The following CNGA3 variants were observed in gnomAD, a reference collection of about 807,000 sequenced individuals.
CNGA3 encodes the protein cyclic nucleotide gated channel subunit alpha 3.
Under a neutral mutation model 46.6 loss-of-function variants are expected in CNGA3, and 42 were observed. The observed-to-expected ratio is 0.90, with a 90% CI of 0.70 to 1.17. CNGA3 has a LOEUF of 1.17. Ranked by LOEUF, CNGA3 falls within the 50% of genes most tolerant of loss-of-function variation. The pLI, the probability that CNGA3 is intolerant of heterozygous loss-of-function variation, is 0.00. For synonymous variants in CNGA3, 394 were observed against 369.4 expected (o/e 1.07, Z -0.76); for missense variants, 893 against 890.7 (o/e 1.00, Z -0.03).
intron 7 of CNGA3, among the ~76,000 whole-genome samples, chr2:98,394,873 T>A (rs897737937): frequency 6.6e-6 from 1 of 152,216 alleles, no homozygotes. Context: ...AAAATGTAGT[T>A]TGCATAATTT....
chr2:98,363,001 A>T (rs1318648974), intron 1 of CNGA3, among the ~76,000 whole-genome samples: 3 of 152,172 alleles, frequency 2.0e-5, no homozygotes, highest in Admixed American at 2.0e-4. Context: ...AGTCTGTTCC[A>T]TTGGTCTATA....
chr2:98,394,683 G>T (rs536695767), intron 7 of CNGA3, among the ~76,000 whole-genome samples: 2 of 152,030 alleles, frequency 1.3e-5, no homozygotes, highest in Non-Finnish European at 1.5e-5. Context: ...TTTCTTGGCT[G>T]GCATAAGCAA....
chr2:98,347,205 A>C (rs1264552026), intron 1 of CNGA3: 1 of 152,160 alleles, frequency 6.6e-6, no homozygotes, highest in African/African-American at 2.4e-5. Flanking sequence ...GCGAGAATTA[A>C]AATTCTTTTA....
At chr2:98,379,538 G>A (rs953919241) in intron 3 of CNGA3, among the ~76,000 whole-genome samples, 8 of 152,186 alleles carry the variant, frequency 5.3e-5, no homozygotes, top group East Asian at 1.9e-4. Flanking sequence ...TGGAGCTCAC[G>A]GCAAGCTCCA....
chr2:98,352,718 G>T (rs563092059), intron 1 of CNGA3, among the ~76,000 whole-genome samples: 1 of 152,098 alleles, frequency 6.6e-6, no homozygotes, highest in Non-Finnish European at 1.5e-5. Context: ...TTGCGAGCCC[G>T]GGTAGGATAA....
chr2:98,349,099 C>T (rs1691713815), intron 1 of CNGA3, among the ~76,000 whole-genome samples: 1 of 152,144 alleles, frequency 6.6e-6, no homozygotes. Flanking sequence ...GGTGGCTTCT[C>T]CCTTTGCTTA....
At chr2:98,361,478 C>T (rs903758435) in intron 1 of CNGA3, among the ~76,000 whole-genome samples, 1 of 151,948 alleles carries the variant, frequency 6.6e-6, no homozygotes, top group Admixed American at 6.6e-5. Context: ...GTGAATAGTG[C>T]CACAATGAAC....
rs199631623 is a variant in CNGA3, at chr2:98,389,679, T to G, written c.471T>G (p.Asp157Glu). Residue 157 changes from aspartate (D) to glutamate (E), a missense_variant, in exon 6 of 8, where the codon GAT (aspartate) becomes GAG (glutamate). Physicochemically the swap from Asp to Glu is conservative, Grantham distance 45. Transcript: ENST00000272602. ...TEEEKKTKKK[D>E]AIVVDPSSNL... is the part of the protein sequence containing the mutation. ...CCAGGAAGAAGACGAAAAAGAAGGA[T>G]GCGATCGTGGTGGACCCGTCCAGCA... The G allele has an allele frequency of 1.9e-5, 31 of 1,613,936 alleles. No individual in the cohort carries two copies. In the East Asian group the frequency reaches 6.9e-4, roughly 36 times the overall value.
chr2:98,392,012 C>A (rs556360697), intron 7 of CNGA3, 42 bp downstream of exon 7: 2 of 1,551,362 alleles, frequency 1.3e-6, no homozygotes, highest in Admixed American at 1.7e-5. Context: ...ATGGCCCCCA[C>A]GGGAGTGTTC....
Position 98,396,331 on chromosome 2 carries a change from G to T in CNGA3, c.1161G>T (p.Val387=). Residue 387 remains valine (V), a synonymous_variant, in exon 8 of 8, where the codon GTG becomes GTT. Transcript: ENST00000272602. The part of the protein sequence containing the change: ...EYLFVVVDFL[V]GVLIFATIVG... ...TCTTTGTGGTCGTAGACTTCTTGGTGGGTGTTCTGATTTTTGCCACCATTG... is the reference window on the plus strand; with the variant it reads ...TCTTTGTGGTCGTAGACTTCTTGGTTGGTGTTCTGATTTTTGCCACCATTG... 1 of 1,611,948 alleles carries T rather than the reference G, an allele frequency of 6.2e-7. No homozygotes were observed. Among genetic ancestry groups the T allele is most frequent in the Non-Finnish European group, 8.5e-7 (1 of 1,178,338 alleles).
intron 2 of CNGA3, among the ~76,000 whole-genome samples, chr2:98,371,795 TG>T (rs1163198874): frequency 2.6e-5 from 4 of 152,230 alleles, no homozygotes; most frequent in Non-Finnish European, 4.4e-5. Context: ...ATTTCCCATG[TG>T]TGAGCTAATA....
intron 4 of CNGA3, among the ~76,000 whole-genome samples, chr2:98,383,074 G>C (rs987191356): frequency 3.3e-5 from 5 of 152,286 alleles, no homozygotes; most frequent in African/African-American, 1.2e-4. Context: ...GCCCCATCCA[G>C]GGTGGAATGG....
intron 1 of CNGA3, among the ~76,000 whole-genome samples, chr2:98,366,298 C>T (rs10173026): frequency 0.44 from 66,657 of 152,020 alleles, 14,715 homozygotes; most frequent in Admixed American, 0.5. Context: ...CTCAAAGGGG[C>T]GCTGACCTGA....
At chr2:98,359,322 A>G (rs1468758607) in intron 1 of CNGA3, among the ~76,000 whole-genome samples, 1 of 152,214 alleles carries the variant, frequency 6.6e-6, no homozygotes, top group African/African-American at 2.4e-5. Context: ...GGGGGAAGTA[A>G]GGAAGCCCCC....
intron 1 of CNGA3, among the ~76,000 whole-genome samples, chr2:98,348,379 T>C (rs2106064939): frequency 6.6e-6 from 1 of 152,346 alleles, no homozygotes; most frequent in South Asian, 2.1e-4. Flanking sequence ...CATCTGCTAG[T>C]GGTGGCTGCC....
chr2:98,396,424 T>C lies in CNGA3; in HGVS notation c.1254T>C (p.Asp418=), dbSNP rs1162745859. 6.2e-7 allele frequency: 1 copy of C among 1,613,884 alleles called. No homozygotes were observed. The highest frequency in any genetic ancestry group is 8.5e-7 in the Non-Finnish European group (1 of 1,180,012). The change falls in exon 8 of 8, where the codon GAT becomes GAC. Residue 418 remains aspartate (D), a synonymous_variant. Coordinates refer to ENST00000272602, the MANE Select transcript of CNGA3 (RefSeq NM_001298.3). ...GGGCAGAGTTCCAGGCCAAGATTGA[T>C]TCCATCAAGCAGTACATGCAGTTCC... ...ASRAEFQAKI[D]SIKQYMQFRK...
At chr2:98,394,996 C>G (rs1024549198) in intron 7 of CNGA3, among the ~76,000 whole-genome samples, 1 of 152,284 alleles carries the variant, frequency 6.6e-6, no homozygotes, top group South Asian at 2.1e-4. Flanking sequence ...TTTCTTTCTT[C>G]TCTCCTCTCC....
At chr2:98,390,008 G>C (rs887455083) in intron 6 of CNGA3, among the ~76,000 whole-genome samples, 1 of 152,192 alleles carries the variant, frequency 6.6e-6, no homozygotes, top group Admixed American at 6.5e-5. Context: ...CCAGGGTTTC[G>C]GCACTGTGGG....
intron 5 of CNGA3, 28 bp downstream of exon 5, chr2:98,383,469 C>T: frequency 6.2e-7 from 1 of 1,613,656 alleles, no homozygotes; most frequent in Non-Finnish European, 8.5e-7. Context: ...CAGCAGAGCC[C>T]TCCCCAAGCC....
Sources: allele counts gnomAD v4.1 joint callset (sites outside exome capture counted in the v4.1 genomes callset), GRCh38; gene constraint gnomAD v4.1.1; transcripts MANE v1.5; gene names NCBI Gene and HGNC (gene_info 2026-07-23, HGNC 2026-07-21).